The following GRAMD2B variants were observed in gnomAD, a reference collection of about 807,000 sequenced individuals.
GRAMD2B encodes the protein GRAM domain-containing protein 2B.
In GRAMD2B, 41 loss-of-function variants were observed where a neutral mutation model predicts 59.2. The ratio of observed to expected loss-of-function variants is 0.69; its 90% confidence interval spans 0.54 to 0.90. The LOEUF is 0.90. Ranked by LOEUF, GRAMD2B falls within the 40% of genes least tolerant of loss-of-function variation. The pLI is 0.00. For synonymous variants in GRAMD2B, 161 were observed against 182.7 expected (o/e 0.88, Z 0.96); for missense variants, 424 against 500.5 (o/e 0.85, Z 1.46).
chr5:126,488,740 C>A, intron 12 of GRAMD2B, 59 bp from the exon 13 acceptor site: 1 of 1,152,906 alleles, frequency 8.7e-7, no homozygotes, highest in African/African-American at 1.5e-5. Context: ...TAAATGTGTT[C>A]ATTCCACTTC....
chr5:126,384,589 G>C (rs1410293333), intron 1 of GRAMD2B, among the ~76,000 whole-genome samples: 1 of 152,240 alleles, frequency 6.6e-6, no homozygotes, highest in African/African-American at 2.4e-5. Flanking sequence ...CAGGAATGGG[G>C]AAGTAGAACA....
At chr5:126,467,862 T>C (rs1768750605) in intron 2 of GRAMD2B, among the ~76,000 whole-genome samples, 1 of 152,182 alleles carries the variant, frequency 6.6e-6, no homozygotes. Flanking sequence ...TCATACACTG[T>C]AGTGGCTAGA....
intron 1 of GRAMD2B, among the ~76,000 whole-genome samples, chr5:126,377,133 C>T (rs544517970): frequency 8.2e-5 from 12 of 147,052 alleles, no homozygotes; most frequent in African/African-American, 3.0e-4. Flanking sequence ...TATCTAGTTG[C>T]CAGGCTGTTG....
intron 13 of GRAMD2B, among the ~76,000 whole-genome samples, chr5:126,491,393 T>C (rs1280809814): frequency 6.6e-6 from 1 of 152,240 alleles, no homozygotes; most frequent in Non-Finnish European, 1.5e-5. Context: ...TGGAACAGTA[T>C]AGTAGAAAGA....
upstream of GRAMD2B, among the ~76,000 whole-genome samples, chr5:126,369,212 T>G (rs1292311416): frequency 6.6e-6 from 1 of 152,202 alleles, no homozygotes; most frequent in African/African-American, 2.4e-5. Context: ...CTTTTATAAG[T>G]CATACCAGTC....
At chr5:126,481,203 A>AAAAAAAAGAAAGAAAGAAAG (rs1554091187) in intron 8 of GRAMD2B, among the ~76,000 whole-genome samples, 1 of 80,110 alleles carries the variant, frequency 1.2e-5, no homozygotes, top group African/African-American at 6.1e-5. Context: ...AAAAAAAAAA[A>AAAAAAAAGAAAGAAAGAAAG]AAAGAAAGAA....
At chr5:126,400,935 C>T (rs778439104) in intron 1 of GRAMD2B, among the ~76,000 whole-genome samples, 1 of 152,008 alleles carries the variant, frequency 6.6e-6, no homozygotes, top group Non-Finnish European at 1.5e-5. Flanking sequence ...AGGTTGATCC[C>T]GTTTGGAAAC....
chr5:126,486,899 T>G lies in GRAMD2B; in HGVS notation c.1085T>G (p.Phe362Cys). The G allele has an allele frequency of 6.2e-7, 1 of 1,612,208 alleles. No individual in the cohort carries two copies. ...GTCTGTGCACTAATCATCTCGACCT[T>G]CTACATGAGATACAGAATTAATACT... ...IVVCALIIST[F>C]YMRYRINTLE... The change falls in exon 12 of 14, where the codon TTC (phenylalanine) becomes TGC (cysteine). Residue 362 changes from phenylalanine (F) to cysteine (C), a missense_variant. Phe to Cys is a radical substitution (Grantham distance 205). Coordinates refer to ENST00000285689, the MANE Select transcript of GRAMD2B (RefSeq NM_023927.4).
intron 1 of GRAMD2B, among the ~76,000 whole-genome samples, chr5:126,445,108 T>C (rs541391489): frequency 1.3e-5 from 2 of 152,314 alleles, no homozygotes; most frequent in African/African-American, 2.4e-5. Flanking sequence ...TGATGGGCAT[T>C]TGGGTTGATT....
At chr5:126,404,297 A>G (rs928313600) in intron 1 of GRAMD2B, among the ~76,000 whole-genome samples, 2 of 151,842 alleles carry the variant, frequency 1.3e-5, no homozygotes, top group East Asian at 3.9e-4. Flanking sequence ...TGTGGTAGCT[A>G]GTAGAGGGAG....
chr5:126,376,345 T>C (rs891048321), intron 1 of GRAMD2B, among the ~76,000 whole-genome samples: 2 of 152,186 alleles, frequency 1.3e-5, no homozygotes, highest in African/African-American at 4.8e-5. Context: ...CAGGCTGCAG[T>C]CAACGATAAC....
chr5:126,471,985 C>T (rs985896063), intron 3 of GRAMD2B, among the ~76,000 whole-genome samples: 15 of 152,206 alleles, frequency 9.9e-5, no homozygotes, highest in Non-Finnish European at 1.6e-4. Context: ...AGCCCTGTTA[C>T]CTCGGCAGTA....
chr5:126,456,302 C>A (rs1766272015), intron 1 of GRAMD2B, among the ~76,000 whole-genome samples: 1 of 152,178 alleles, frequency 6.6e-6, no homozygotes, highest in Non-Finnish European at 1.5e-5. Flanking sequence ...CCTCGAACCC[C>A]TGAGCTCAAG....
chr5:126,400,235 TTAAATC>T (rs1161675185), intron 1 of GRAMD2B, among the ~76,000 whole-genome samples: 2 of 152,082 alleles, frequency 1.3e-5, no homozygotes, highest in East Asian at 3.9e-4. Flanking sequence ...AAAATAGATT[TTAAATC>T]TAAACTTCAT....
intron 8 of GRAMD2B, among the ~76,000 whole-genome samples, chr5:126,482,694 G>A (rs1358339740): frequency 6.6e-6 from 1 of 152,212 alleles, no homozygotes; most frequent in East Asian, 1.9e-4. Flanking sequence ...ACAAAAGACA[G>A]CTAGTTCAAG....
chr5:126,429,718 A>G (rs1761252814), intron 1 of GRAMD2B, among the ~76,000 whole-genome samples: 1 of 152,186 alleles, frequency 6.6e-6, no homozygotes, highest in African/African-American at 2.4e-5. Context: ...AAAGAGGTCA[A>G]ATGCTTACAG....
chr5:126,490,892 T>A (rs1452081723), intron 13 of GRAMD2B, among the ~76,000 whole-genome samples: 1 of 152,228 alleles, frequency 6.6e-6, no homozygotes, highest in African/African-American at 2.4e-5. Context: ...GAATAATTTT[T>A]AACTCCCTCT....
chr5:126,379,759 G>GT (rs752834164), intron 1 of GRAMD2B, among the ~76,000 whole-genome samples: 33 of 152,058 alleles, frequency 2.2e-4, no homozygotes, highest in Admixed American at 1.7e-3. Flanking sequence ...GGATTGTTTG[G>GT]TTTTTTCTTG....
intron 1 of GRAMD2B, among the ~76,000 whole-genome samples, chr5:126,372,402 A>G (rs1401323733): frequency 6.6e-6 from 1 of 152,214 alleles, no homozygotes; most frequent in Admixed American, 6.5e-5. Flanking sequence ...AGAGTTAAAT[A>G]TGATCGTTGT....
Sources: allele counts gnomAD v4.1 joint callset (sites outside exome capture counted in the v4.1 genomes callset), GRCh38; gene constraint gnomAD v4.1.1; transcripts MANE v1.5; gene names NCBI Gene and HGNC (gene_info 2026-07-23, HGNC 2026-07-21).